Variants in FSTL4 observed in about 807,000 individuals in gnomAD.
FSTL4 encodes follistatin like 4.
In FSTL4, 28 loss-of-function variants were observed where a neutral mutation model predicts 78.2. The observed-to-expected ratio is 0.36, with a 90% CI of 0.27 to 0.49. The LOEUF (loss-of-function observed/expected upper bound fraction) is 0.49, where lower values mean the gene tolerates loss of function less well. Among genes scored for constraint, FSTL4 ranks in the 20% least tolerant of loss-of-function variants. The probability of loss-of-function intolerance (pLI) is 0.98; values close to 1 mark genes in which losing one functional copy is unlikely to be tolerated. For missense variants in FSTL4, 922 were observed against 1,084.9 expected (o/e 0.85, Z 2.11); for synonymous variants, 422 against 440.5 (o/e 0.96, Z 0.53).
intron 3 of FSTL4, among the ~76,000 whole-genome samples, chr5:133,465,557 C>G (rs531635515): frequency 6.6e-6 from 1 of 152,210 alleles, no homozygotes; most frequent in Non-Finnish European, 1.5e-5. Context: ...GCTCTGGGTT[C>G]TAGTCCTGGG....
chr5:133,576,259 G>A lies in FSTL4; in HGVS notation c.127-9040C>T, dbSNP rs150046709. 1.3e-4 allele frequency among the ~76,000 whole-genome samples: 20 copies of A among 152,284 alleles called. No individual in the cohort carries two copies. In the East Asian group the frequency reaches 3.9e-3, roughly 29 times the overall value. The stretch of plus-strand genomic sequence containing the variant: ...ATCCCATGTCCATCTTGGGCACAGG[G>A]GGTGAGGCTCTGGAAAAGGATGGTG... On this transcript the variant is annotated intron_variant, in intron 2 of 15. Coordinates refer to ENST00000265342, the MANE Select transcript of FSTL4 (RefSeq NM_015082.2).
At chr5:133,708,962 C>T in the FSTL4 span, among the ~76,000 whole-genome samples, 1 of 152,182 alleles carries the variant, frequency 6.6e-6, no homozygotes, top group African/African-American at 2.4e-5. Flanking sequence ...TCACACCAGG[C>T]AGTCTCTGGC....
chr5:133,293,815 T>G (rs1190091548), intron 6 of FSTL4, among the ~76,000 whole-genome samples: 3 of 152,238 alleles, frequency 2.0e-5, no homozygotes, highest in African/African-American at 2.4e-5. Context: ...AACAAATCTT[T>G]GCACTAATAA....
chr5:133,734,876 C>T, the FSTL4 span, among the ~76,000 whole-genome samples: 1 of 152,170 alleles, frequency 6.6e-6, no homozygotes, highest in African/African-American at 2.4e-5. Flanking sequence ...CTTTTCCCTC[C>T]AACTCCTTTG....
At chr5:133,406,801 A>G (rs1308526846) in intron 3 of FSTL4, among the ~76,000 whole-genome samples, 4 of 152,196 alleles carry the variant, frequency 2.6e-5, no homozygotes, top group Non-Finnish European at 5.9e-5. Flanking sequence ...AAGCTCTATT[A>G]AGTAGACACA....
At chr5:133,538,733 T>C (rs1256510846) in intron 3 of FSTL4, among the ~76,000 whole-genome samples, 2 of 152,348 alleles carry the variant, frequency 1.3e-5, no homozygotes, top group East Asian at 1.9e-4. Flanking sequence ...TGTGTAACCA[T>C]TCAAAAGCCT....
intron 3 of FSTL4, among the ~76,000 whole-genome samples, chr5:133,405,392 C>T (rs1318957059): frequency 1.3e-5 from 2 of 152,248 alleles, no homozygotes; most frequent in Admixed American, 6.5e-5. Flanking sequence ...CAGCAGCTGT[C>T]TCCACCTTCT....
chr5:133,263,212 A>G (rs1454462933), intron 6 of FSTL4, among the ~76,000 whole-genome samples: 5 of 152,174 alleles, frequency 3.3e-5, no homozygotes, highest in Non-Finnish European at 5.9e-5. Context: ...GTCTTTAACC[A>G]TGGAAGGTGG....
chr5:133,360,212 G>A lies in FSTL4; in HGVS notation c.409+40526C>T, dbSNP rs528821211. Among the ~76,000 whole-genome samples, 5 of 152,316 alleles carry A rather than the reference G, an allele frequency of 3.3e-5. No individual in the cohort carries two copies. In the South Asian group the frequency reaches 1.0e-3, roughly 32 times the overall value. On this transcript the variant is annotated intron_variant, in intron 4 of 15. Transcript: ENST00000265342. ...TCTTCTCAACGTTTACTCAAAATAGGAAAGAGAAATTCTGGCGATTTTCCT... is the reference window on the plus strand; with the variant it reads ...TCTTCTCAACGTTTACTCAAAATAGAAAAGAGAAATTCTGGCGATTTTCCT...
chr5:133,722,647 T>A, the FSTL4 span, among the ~76,000 whole-genome samples: 1 of 152,192 alleles, frequency 6.6e-6, no homozygotes, highest in Admixed American at 6.5e-5. Flanking sequence ...CCCTTGGTAG[T>A]ATCACTTTTC....
the FSTL4 span, among the ~76,000 whole-genome samples, chr5:133,841,845 C>CA: frequency 0.012 from 1,835 of 152,280 alleles, 37 homozygotes; most frequent in African/African-American, 0.041. Context: ...GTGGAAGGTG[C>CA]AAAAAGAATT....
intron 3 of FSTL4, among the ~76,000 whole-genome samples, chr5:133,509,782 A>G (rs1424158546): frequency 1.3e-5 from 2 of 152,254 alleles, no homozygotes; most frequent in African/African-American, 2.4e-5. Flanking sequence ...GAGAACAGAT[A>G]CAAAGACAGC....
chr5:133,758,726 T>C, the FSTL4 span, among the ~76,000 whole-genome samples: 1 of 152,190 alleles, frequency 6.6e-6, no homozygotes, highest in Non-Finnish European at 1.5e-5. Context: ...ATAATAAACA[T>C]GTATTATCTC....
the FSTL4 span, among the ~76,000 whole-genome samples, chr5:133,833,276 T>C: frequency 6.6e-6 from 1 of 152,196 alleles, no homozygotes; most frequent in East Asian, 1.9e-4. Context: ...CCCTCTGAAA[T>C]GGTCTCTGAT....
chr5:133,212,218 C>T (rs546385699), intron 13 of FSTL4, among the ~76,000 whole-genome samples: 6 of 152,230 alleles, frequency 3.9e-5, no homozygotes, highest in Non-Finnish European at 5.9e-5. Flanking sequence ...GTTAAACTTC[C>T]CTCAAGTTTG....
chr5:133,773,339 T>C, the FSTL4 span, among the ~76,000 whole-genome samples: 1 of 152,268 alleles, frequency 6.6e-6, no homozygotes, highest in East Asian at 1.9e-4. Flanking sequence ...CTTTCTGCTT[T>C]TCTCTAAGAA....
the FSTL4 span, among the ~76,000 whole-genome samples, chr5:133,794,525 T>C: frequency 2.0e-5 from 3 of 152,194 alleles, no homozygotes; most frequent in Admixed American, 2.0e-4. Context: ...GTGAGCCCTT[T>C]CTTCCAAAAT....
At chr5:133,218,490 A>G (rs905720957) in intron 12 of FSTL4, among the ~76,000 whole-genome samples, 2 of 152,094 alleles carry the variant, frequency 1.3e-5, no homozygotes, top group African/African-American at 4.8e-5. Context: ...CACTCCCAAT[A>G]ACATTATTTC....
At chr5:133,438,002 T>G (rs1393428450) in intron 3 of FSTL4, among the ~76,000 whole-genome samples, 1 of 152,214 alleles carries the variant, frequency 6.6e-6, no homozygotes, top group Non-Finnish European at 1.5e-5. Flanking sequence ...TTGTAACGTA[T>G]TACTCTAATT....
Sources: allele counts gnomAD v4.1 joint callset (sites outside exome capture counted in the v4.1 genomes callset), GRCh38; gene constraint gnomAD v4.1.1; transcripts MANE v1.5; gene names NCBI Gene and HGNC (gene_info 2026-07-23, HGNC 2026-07-21).